PRKCB: variants seen among roughly 807,000 people sequenced by gnomAD.
PRKCB encodes the protein protein kinase C beta, also known as protein kinase C beta type.
PRKCB carries 13 observed loss-of-function variants against 81.5 expected under a neutral mutation model. The ratio of observed to expected loss-of-function variants is 0.16; its 90% confidence interval spans 0.10 to 0.25. The LOEUF is 0.25. Ranked by LOEUF, PRKCB falls within the 10% of genes least tolerant of loss-of-function variation. PRKCB has a pLI of 1.00. For synonymous variants in PRKCB, 335 were observed against 321.4 expected (o/e 1.04, Z -0.45); for missense variants, 509 against 875.7 (o/e 0.58, Z 5.29).
chr16:24,125,309 A>G (rs544027000), intron 9 of PRKCB, among the ~76,000 whole-genome samples: 129 of 126,922 alleles, frequency 1.0e-3, no homozygotes, highest in Non-Finnish European at 1.6e-3. Flanking sequence ...ATCACCCTTT[A>G]TCATCTGGCC....
intron 2 of PRKCB, among the ~76,000 whole-genome samples, chr16:23,962,367 C>T (rs1323684532): frequency 1.3e-5 from 2 of 152,228 alleles, no homozygotes; most frequent in Non-Finnish European, 2.9e-5. Context: ...AATTTCCAGC[C>T]CCATTGTGCT....
Position 23,928,196 on chromosome 16 carries a change from G to A in PRKCB, c.206-60312G>A, listed in dbSNP as rs373239254. ...GCTGGAGTGCAATGGCATGATCTCA[G>A]CTCACTGCAACCTCCACCTCCCAGG... On this transcript the variant is annotated intron_variant, in intron 2 of 16. Coordinates refer to ENST00000643927, the MANE Select transcript of PRKCB (RefSeq NM_002738.7). Among the ~76,000 whole-genome samples, 9 of 152,124 alleles carry A rather than the reference G, an allele frequency of 5.9e-5. No individual in the cohort carries two copies. The South Asian group carries it at 6.2e-4, about 11-fold the overall frequency.
Position 24,113,083 on chromosome 16 carries a change from T to TC in PRKCB, c.918+15dup. Reference sequence around the variant, plus strand: ...CAGAAATTTGAGGTGAGGTTTCTTTTCTTTTTCTCTTCTTTCTTTTTTCTC... The same window carrying TC: ...CAGAAATTTGAGGTGAGGTTTCTTTTCCTTTTTCTCTTCTTTCTTTTTTCTC... On this transcript the variant is annotated intron_variant, in intron 8 of 16. Transcript: ENST00000643927. The TC allele has an allele frequency of 1.3e-6, 2 of 1,590,224 alleles. No homozygotes were observed. The highest frequency in any genetic ancestry group is 1.7e-6 in the Non-Finnish European group (2 of 1,163,686).
chr16:24,013,711 C>G (rs1458110921), intron 3 of PRKCB, among the ~76,000 whole-genome samples: 1 of 151,116 alleles, frequency 6.6e-6, no homozygotes, highest in Admixed American at 6.6e-5. Context: ...CTCTTCAATA[C>G]CTGTCTGTTC....
intron 11 of PRKCB, among the ~76,000 whole-genome samples, chr16:24,173,401 A>G (rs1596581909): frequency 1.3e-5 from 2 of 152,158 alleles, no homozygotes; most frequent in South Asian, 4.1e-4. Flanking sequence ...GAGCTCATCT[A>G]GAACCCCACC....
At chr16:24,069,759 A>G (rs1331339325) in intron 5 of PRKCB, among the ~76,000 whole-genome samples, 2 of 152,204 alleles carry the variant, frequency 1.3e-5, no homozygotes, top group South Asian at 2.1e-4. Flanking sequence ...CAAACAAAAC[A>G]AAACAGTGCC....
In PRKCB at chr16:24,123,839, C is replaced by T; in HGVS notation, c.923C>T (p.Ala308Val). ...CTGTGTGCTTCCTTTTTGCAGAGGG[C>T]CAAGATCAGTCAGGGAACCAAGGTC... ...NEELRQKFERAKISQGTKVPE... is the reference protein window; with the variant it reads ...NEELRQKFERVKISQGTKVPE... Residue 308 changes from alanine (A) to valine (V), a missense_variant, in exon 9 of 17, where the codon GCC becomes GTC. Around this residue, in one of 6 missense-constraint regions of PRKCB, gnomAD observed 80 missense variants for 89.4 expected, o/e 0.90. Transcript: ENST00000643927. 6.2e-7 allele frequency: 1 copy of T among 1,613,788 alleles called. No individual in the cohort carries two copies. The highest frequency in any genetic ancestry group is 8.5e-7 in the Non-Finnish European group (1 of 1,179,874).
intron 7 of PRKCB, among the ~76,000 whole-genome samples, chr16:24,105,586 T>C (rs1258311420): frequency 2.0e-5 from 3 of 152,130 alleles, no homozygotes; most frequent in African/African-American, 7.2e-5. Context: ...CTTGTGTCCA[T>C]GTGTTCTCAT....
chr16:24,173,320 A>T (rs1967474222), intron 11 of PRKCB, among the ~76,000 whole-genome samples: 1 of 152,170 alleles, frequency 6.6e-6, no homozygotes, highest in Admixed American at 6.5e-5. Context: ...ATGGCAAGTT[A>T]TAGGAATTAG....
intron 3 of PRKCB, among the ~76,000 whole-genome samples, chr16:24,027,231 G>A (rs1965493355): frequency 6.6e-6 from 1 of 152,072 alleles, no homozygotes; most frequent in Non-Finnish European, 1.5e-5. Flanking sequence ...ACTTATGAGT[G>A]AGAACATGCG....
intron 3 of PRKCB, among the ~76,000 whole-genome samples, chr16:24,026,455 G>A (rs1436158890): frequency 6.6e-6 from 1 of 152,196 alleles, no homozygotes; most frequent in Non-Finnish European, 1.5e-5. Flanking sequence ...TTGTCTTGGA[G>A]ATCGCTCAAG....
At chr16:23,876,109 G>A (rs1252289787) in intron 2 of PRKCB, among the ~76,000 whole-genome samples, 3 of 152,110 alleles carry the variant, frequency 2.0e-5, no homozygotes, top group Non-Finnish European at 4.4e-5. Context: ...ATTTACACAC[G>A]CATGCAGTCA....
intron 3 of PRKCB, among the ~76,000 whole-genome samples, chr16:24,001,066 A>C (rs935062132): frequency 6.6e-6 from 1 of 151,828 alleles, no homozygotes; most frequent in Non-Finnish European, 1.5e-5. Flanking sequence ...CAAAGAAGGC[A>C]CTCAATACCT....
intron 8 of PRKCB, among the ~76,000 whole-genome samples, chr16:24,114,517 A>G (rs117063554): frequency 0.01 from 1,524 of 152,148 alleles, 8 homozygotes; most frequent in Middle Eastern, 0.034. Flanking sequence ...CTCCTACCTG[A>G]AATAAATCCC....
intron 2 of PRKCB, among the ~76,000 whole-genome samples, chr16:23,971,459 G>A (rs1309193375): frequency 6.6e-6 from 1 of 152,222 alleles, no homozygotes; most frequent in East Asian, 1.9e-4. Flanking sequence ...GTCCTACTCT[G>A]TGTCCCAGGA....
rs115804866 is a variant in PRKCB at position 24,005,734 on chromosome 16, G to A, written c.288+17144G>A. On this transcript the variant is annotated intron_variant, in intron 3 of 16. Coordinates refer to ENST00000643927, the MANE Select transcript of PRKCB (RefSeq NM_002738.7). ...GGCCCTGTCCATTTCCTGCCTCAGT[G>A]TGAGTGGCAGGAAGACCACCTTGAT... Among the ~76,000 whole-genome samples, 1,054 of 152,274 alleles carry A rather than the reference G, an allele frequency of 6.9e-3. 11 individuals are homozygous for A. The highest frequency in any genetic ancestry group is 0.023 in the African/African-American group (966 of 41,558).
At chr16:23,982,211 CCCTTCCCTTCG>C (rs1964743669) in intron 2 of PRKCB, among the ~76,000 whole-genome samples, 3 of 52,168 alleles carry the variant, frequency 5.8e-5, no homozygotes, top group African/African-American at 8.6e-5. Context: ...CCTTCCCTTC[CCCTTCCCTTCG>C]CCTTCCCTTC....
At chr16:23,999,364 A>G (rs1567339395) in intron 3 of PRKCB, among the ~76,000 whole-genome samples, 1 of 152,202 alleles carries the variant, frequency 6.6e-6, no homozygotes, top group Non-Finnish European at 1.5e-5. Flanking sequence ...GCCAGGCAAT[A>G]TTATGGATAT....
At chr16:24,068,738 A>T (rs1966072080) in intron 5 of PRKCB, among the ~76,000 whole-genome samples, 1 of 152,232 alleles carries the variant, frequency 6.6e-6, no homozygotes, top group South Asian at 2.1e-4. Flanking sequence ...GAAAGCATTT[A>T]TTTAATTTTG....
Sources: allele counts gnomAD v4.1 joint callset (sites outside exome capture counted in the v4.1 genomes callset), GRCh38; gene constraint gnomAD v4.1.1; regional missense constraint gnomAD v4.1.1; transcripts MANE v1.5; gene names NCBI Gene and HGNC (gene_info 2026-07-23, HGNC 2026-07-21).